The following NXPE4 variants were observed in gnomAD, a reference collection of about 807,000 sequenced individuals.
NXPE4 encodes NXPE family member 4.
Under a neutral mutation model 33.3 loss-of-function variants are expected in NXPE4, and 42 were observed. The observed-to-expected ratio is 1.26, with a 90% CI of 0.98 to 1.63. The LOEUF is 1.63. Ranked by LOEUF, NXPE4 falls within the 40% of genes most tolerant of loss-of-function variation. The probability of loss-of-function intolerance (pLI) is 0.00; values close to 1 mark genes in which losing one functional copy is unlikely to be tolerated. For synonymous variants in NXPE4, 253 were observed against 234.9 expected, an observed-to-expected ratio of 1.08 and a Z score of -0.71; for missense variants, 709 against 647.6, an observed-to-expected ratio of 1.09 and a Z score of -1.03.
chr11:114,599,526 A>G (rs536054109), upstream of NXPE4, among the ~76,000 whole-genome samples: 13 of 152,286 alleles, frequency 8.5e-5, no homozygotes, highest in Admixed American at 3.9e-4. Context: ...CGCTGCTATA[A>G]AAATATTTGA....
the NXPE4 span, among the ~76,000 whole-genome samples, chr11:114,651,144 G>C: frequency 1.3e-5 from 2 of 152,008 alleles, no homozygotes; most frequent in African/African-American, 4.8e-5. Flanking sequence ...CCTTCCAGTG[G>C]GTTCTTGGTC....
chr11:114,620,524 G>C, the NXPE4 span, among the ~76,000 whole-genome samples: 2 of 149,436 alleles, frequency 1.3e-5, no homozygotes, highest in Admixed American at 6.6e-5. Flanking sequence ...ACCACTTTAA[G>C]GCGGTAGATA....
At chr11:114,593,065 T>C (rs577339490) in intron 2 of NXPE4, among the ~76,000 whole-genome samples, 53 of 152,082 alleles carry the variant, frequency 3.5e-4, no homozygotes, top group Non-Finnish European at 7.2e-4. Flanking sequence ...ACCCAAAGTA[T>C]GAAAATACTA....
chr11:114,638,234 A>C, the NXPE4 span, among the ~76,000 whole-genome samples: 28 of 151,522 alleles, frequency 1.8e-4, no homozygotes, highest in Non-Finnish European at 2.7e-4. Context: ...TCACTGATAC[A>C]CTTTCTTCCA....
At position 114,580,242 on chromosome 11, in the gene NXPE4, C is replaced by G. The variant is rs376776586; in HGVS notation, c.989G>C (p.Cys330Ser). 3 of 1,613,962 alleles carry G rather than the reference C, an allele frequency of 1.9e-6. No individual in the cohort carries two copies. The highest frequency in any genetic ancestry group is 2.5e-6 in the Non-Finnish European group (3 of 1,179,872). The change falls in exon 5 of 6, where the codon TGT (cysteine) becomes TCT (serine). Residue 330 changes from cysteine to serine, a missense_variant. Transcript: ENST00000375478. ...VWRNTWNPVS[C>S]SLATVKMKEC... ...CTTCATTTTGACTGTAGCCAAACTA[C>G]AGGAGACAGGATTCCATGTGTTTCT... is the stretch of plus-strand genomic sequence containing the variant.
At chr11:114,590,449 A>ATGGAT (rs1736432689) in intron 2 of NXPE4, among the ~76,000 whole-genome samples, 1 of 152,164 alleles carries the variant, frequency 6.6e-6, no homozygotes, top group African/African-American at 2.4e-5. Context: ...TTTGCAGGCT[A>ATGGAT]TGGATACCTG....
intron 2 of NXPE4, chr11:114,583,313 A>C: frequency 1.6e-6 from 1 of 625,228 alleles, no homozygotes; most frequent in Non-Finnish European, 3.0e-6. Context: ...GGGTGTTGGA[A>C]ATTACTATTA....
chr11:114,593,183 T>C (rs928087343), intron 2 of NXPE4, among the ~76,000 whole-genome samples: 1 of 152,048 alleles, frequency 6.6e-6, no homozygotes, highest in African/African-American at 2.4e-5. Flanking sequence ...AATGGGATTA[T>C]ATAAAACTAA....
At chr11:114,626,823 A>C in the NXPE4 span, among the ~76,000 whole-genome samples, 1 of 152,190 alleles carries the variant, frequency 6.6e-6, no homozygotes, top group Admixed American at 6.5e-5. Context: ...GAAGTGCTTA[A>C]AGGAGCTGGT....
chr11:114,626,147 G>A, the NXPE4 span, among the ~76,000 whole-genome samples: 642 of 152,308 alleles, frequency 4.2e-3, 5 homozygotes, highest in South Asian at 5.6e-3. Flanking sequence ...AAAGCAGCCG[G>A]GAAGCTCGAA....
chr11:114,669,308 A>C, the NXPE4 span, among the ~76,000 whole-genome samples: 1 of 152,136 alleles, frequency 6.6e-6, no homozygotes, highest in African/African-American at 2.4e-5. Flanking sequence ...CTGGAAATTG[A>C]GCCACAAAAT....
chr11:114,577,075 T>TTA (rs555840860), intron 5 of NXPE4, among the ~76,000 whole-genome samples: 5 of 113,486 alleles, frequency 4.4e-5, no homozygotes, highest in Non-Finnish European at 8.7e-5. Flanking sequence ...ATATATAAAG[T>TTA]TATATATATA....
chr11:114,644,888 AAGAT>A, the NXPE4 span, among the ~76,000 whole-genome samples: 7 of 152,240 alleles, frequency 4.6e-5, no homozygotes, highest in Non-Finnish European at 8.8e-5. Flanking sequence ...ATTGACCACT[AAGAT>A]AGAATTAAAA....
chr11:114,624,649 C>T, the NXPE4 span, among the ~76,000 whole-genome samples: 1 of 151,954 alleles, frequency 6.6e-6, no homozygotes, highest in African/African-American at 2.4e-5. Flanking sequence ...ATAAGTATTG[C>T]CTTGTGGGTA....
At chr11:114,661,961 C>T in the NXPE4 span, among the ~76,000 whole-genome samples, 1 of 152,092 alleles carries the variant, frequency 6.6e-6, no homozygotes, top group African/African-American at 2.4e-5. Flanking sequence ...GGTAAAAGGA[C>T]CTGTAGGAGG....
intron 4 of NXPE4, among the ~76,000 whole-genome samples, chr11:114,580,956 T>A (rs892380126): frequency 1.3e-5 from 2 of 152,148 alleles, no homozygotes; most frequent in African/African-American, 4.8e-5. Context: ...CGTGGCAGGT[T>A]TGATTATTAA....
rs1339601760 is a variant in NXPE4, at chr11:114,570,868, A to C, written c.*70T>G. The C allele has an allele frequency of 1.8e-6, 2 of 1,095,450 alleles. No homozygotes were observed. The highest frequency in any genetic ancestry group is 3.2e-5 in the African/African-American group (2 of 62,984). 67.9% of individuals were successfully genotyped at this position (1,095,450 alleles called of 1,614,324 possible). ...TTGGGAATTCAGAGCCAAACACAGCATCTGGCCTGCTAGTAGACAGTCAAT... is the reference window on the plus strand; with the variant it reads ...TTGGGAATTCAGAGCCAAACACAGCCTCTGGCCTGCTAGTAGACAGTCAAT... On this transcript the variant is annotated 3_prime_UTR_variant, in exon 6 of 6. Coordinates refer to ENST00000375478, the MANE Select transcript of NXPE4 (RefSeq NM_001077639.2).
the NXPE4 span, among the ~76,000 whole-genome samples, chr11:114,611,955 T>C: frequency 6.6e-6 from 1 of 151,990 alleles, no homozygotes; most frequent in South Asian, 2.1e-4. Flanking sequence ...ACCTGGTAGA[T>C]AATAAGTATT....
the NXPE4 span, among the ~76,000 whole-genome samples, chr11:114,622,012 G>A: frequency 1.3e-5 from 2 of 149,868 alleles, no homozygotes; most frequent in Non-Finnish European, 3.0e-5. Context: ...ATAAGTACTG[G>A]CTCATGGGTA....
Sources: gnomAD v4.1 joint callset for allele counts (sites outside exome capture counted in the v4.1 genomes callset) on GRCh38, gnomAD v4.1.1 for gene constraint, MANE v1.5 for transcripts, NCBI Gene and HGNC (gene_info 2026-07-23, HGNC 2026-07-21) for gene names.